NUP98: variants seen among roughly 807,000 people sequenced by gnomAD.
NUP98 encodes nuclear pore complex protein Nup98-Nup96.
A neutral mutation model predicts 191.9 loss-of-function variants in NUP98; 26 were observed. The ratio of observed to expected loss-of-function variants is 0.14; its 90% CI spans 0.10 to 0.19. The LOEUF (loss-of-function observed/expected upper bound fraction) is 0.19, where lower values mean the gene tolerates loss of function less well. NUP98 is among the 10% of genes least tolerant of loss of function. The pLI, the probability that NUP98 is intolerant of heterozygous loss-of-function variation, is 1.00. For missense variants in NUP98, 1,941 were observed against 2,178.8 expected (o/e 0.89, Z 2.17); for synonymous variants, 808 against 778.4 (o/e 1.04, Z -0.63).
chr11:3,717,749 T>C (rs756021091), intron 18 of NUP98, among the ~76,000 whole-genome samples: 1 of 152,238 alleles, frequency 6.6e-6, no homozygotes, highest in Non-Finnish European at 1.5e-5. Context: ...TGTTGCCTTG[T>C]CTCACAGGAA....
At chr11:3,780,305 C>T (rs1391474618) in intron 2 of NUP98, among the ~76,000 whole-genome samples, 7 of 148,646 alleles carry the variant, frequency 4.7e-5, no homozygotes, top group African/African-American at 1.5e-4. Context: ...CCGAGGCAAG[C>T]AGATCATGAG....
intron 12 of NUP98, among the ~76,000 whole-genome samples, chr11:3,741,032 G>A (rs2080265581): frequency 6.6e-6 from 1 of 151,620 alleles, no homozygotes; most frequent in African/African-American, 2.4e-5. Context: ...ATGTTGGCCA[G>A]GCTGGTCTCG....
intron 19 of NUP98, among the ~76,000 whole-genome samples, chr11:3,713,457 C>A (rs577698314): frequency 6.6e-6 from 1 of 152,266 alleles, no homozygotes; most frequent in Admixed American, 6.5e-5. Context: ...GTGGCTTACA[C>A]CTGTAATCAC....
At chr11:3,684,356 G>A (rs1450904589) in intron 29 of NUP98, among the ~76,000 whole-genome samples, 1 of 152,244 alleles carries the variant, frequency 6.6e-6, no homozygotes. Context: ...GAGGCGGACA[G>A]ATCACGAGGT....
At chr11:3,790,249 T>G (rs1391859453) in intron 1 of NUP98, among the ~76,000 whole-genome samples, 1 of 152,178 alleles carries the variant, frequency 6.6e-6, no homozygotes, top group Non-Finnish European at 1.5e-5. Context: ...TCTTTTCCCC[T>G]TGACTAATGA....
chr11:3,695,500 G>A lies in NUP98; in HGVS notation c.4116C>T (p.Ser1372=). The change falls in exon 26 of 33, where the codon TCC becomes TCT. Residue 1372 remains serine (S), a synonymous_variant. Transcript: ENST00000324932. ...LVDWHQLQAD[S]FIQDERLRIF... is the part of the protein sequence containing the mutation. ...TGCGCAGTCTCTCATCCTGGATGAA[G>A]GAGTCTGCTTGGAGCTGATGCCAGT... The A allele has an allele frequency of 3.1e-6, 5 of 1,609,360 alleles. No individual in the cohort carries two copies. In the South Asian group the frequency reaches 3.3e-5, roughly 11 times the overall value.
chr11:3,782,020 T>G, intron 2 of NUP98, 22 bp downstream of exon 2: 7 of 1,580,542 alleles, frequency 4.4e-6, no homozygotes, highest in Non-Finnish European at 6.1e-6. Context: ...TTCTCCCTCT[T>G]TTGTCCTTTT....
At chr11:3,697,779 G>A (rs1404385611) in intron 25 of NUP98, among the ~76,000 whole-genome samples, 2 of 133,048 alleles carry the variant, frequency 1.5e-5, no homozygotes, top group African/African-American at 2.9e-5. Context: ...TCGTTCCACT[G>A]CACTCCAGCA....
intron 8 of NUP98, among the ~76,000 whole-genome samples, 165 bp from the exon 9 acceptor site, chr11:3,763,204 A>T (rs899561673): frequency 2.6e-5 from 4 of 152,190 alleles, no homozygotes; most frequent in African/African-American, 9.6e-5. Context: ...AAAAGCAGGG[A>T]GTATATTTTT....
At chr11:3,712,351 C>T in intron 20 of NUP98, 1 of 1,365,492 alleles carries the variant, frequency 7.3e-7, no homozygotes, top group East Asian at 2.7e-5. Flanking sequence ...AGGAATAATC[C>T]AAACAGCAAG....
intron 10 of NUP98, among the ~76,000 whole-genome samples, chr11:3,759,153 G>A (rs74049699): frequency 1.6e-4 from 24 of 152,206 alleles, no homozygotes; most frequent in African/African-American, 4.3e-4. Context: ...CTCCTAAAAA[G>A]AATCTATCAG....
At chr11:3,780,925 TA>T (rs1464321485) in intron 2 of NUP98, among the ~76,000 whole-genome samples, 2 of 151,114 alleles carry the variant, frequency 1.3e-5, no homozygotes, top group East Asian at 3.9e-4. Flanking sequence ...ATTAAAAATA[TA>T]AAAATTAGCC....
chr11:3,797,147 C>A (rs1186228653), intron 1 of NUP98, among the ~76,000 whole-genome samples: 1 of 152,230 alleles, frequency 6.6e-6, no homozygotes, highest in Non-Finnish European at 1.5e-5. Context: ...CACCCACTCG[C>A]GTGGGCAGCA....
At chr11:3,722,697 T>C (rs1317984729) in intron 16 of NUP98, among the ~76,000 whole-genome samples, 2 of 152,034 alleles carry the variant, frequency 1.3e-5, no homozygotes, top group African/African-American at 4.8e-5. Context: ...GTGCCTGTAG[T>C]GCCAGCTACT....
At position 3,693,261 on chromosome 11, in the gene NUP98, C is replaced by A. The variant is rs2078377527; in HGVS notation, c.4282G>T (p.Ala1428Ser). The change falls in exon 27 of 33, where the codon GCG becomes TCG. Residue 1428 changes from alanine (A) to serine (S), a missense_variant. By Grantham distance (99) the Ala-to-Ser change is moderately conservative. Transcript: ENST00000324932. ...AATGCTTCTTCATACATGCTGAGCG[C>A]CCTAGAAATGGAGGCTGTTGGTGGA... ...LLPPTASISR[A>S]LSMYEEAFQN... 8 of 1,614,014 alleles carry A rather than the reference C, an allele frequency of 5.0e-6. 1 individual carries two copies. The highest frequency in any genetic ancestry group is 6.8e-6 in the Non-Finnish European group (8 of 1,180,030).
chr11:3,678,145 A>G (rs2077876928), intron 31 of NUP98, among the ~76,000 whole-genome samples: 2 of 152,254 alleles, frequency 1.3e-5, no homozygotes, highest in African/African-American at 4.8e-5. Flanking sequence ...CTAAAAAAAA[A>G]AAAAAAAAGG....
chr11:3,758,213 C>A (rs2081044980), intron 10 of NUP98, among the ~76,000 whole-genome samples: 1 of 150,126 alleles, frequency 6.7e-6, no homozygotes, highest in Non-Finnish European at 1.5e-5. Flanking sequence ...CCCAGCTACT[C>A]GGGAGGCTGA....
intron 25 of NUP98, among the ~76,000 whole-genome samples, chr11:3,698,445 C>G (rs529855536): frequency 6.6e-6 from 1 of 151,776 alleles, no homozygotes; most frequent in Non-Finnish European, 1.5e-5. Flanking sequence ...AGACATAGTT[C>G]GGCTGGGTGC....
In NUP98 at chr11:3,749,046, C is replaced by T. The variant is rs182178494; in HGVS notation, c.1267+4270G>A. Among the ~76,000 whole-genome samples the T allele has an allele frequency of 1.6e-3, 247 of 152,032 alleles. 1 individual carries two copies. The highest frequency in any genetic ancestry group is 5.3e-3 in the African/African-American group (221 of 41,508). Reference sequence around the variant, plus strand: ...TAAGAGGGCCGGGCGCGGTGGCTCACGCCTGTAATCCCAGCACTTTGGGAG... The same window carrying T: ...TAAGAGGGCCGGGCGCGGTGGCTCATGCCTGTAATCCCAGCACTTTGGGAG... On this transcript the variant is annotated intron_variant, in intron 11 of 32. Transcript: ENST00000324932.
Sources: allele counts gnomAD v4.1 joint callset (sites outside exome capture counted in the v4.1 genomes callset), GRCh38; gene constraint gnomAD v4.1.1; transcripts MANE v1.5; gene names NCBI Gene and HGNC (gene_info 2026-07-23, HGNC 2026-07-21).